The following GRIN2A variants were observed in gnomAD, a reference collection of about 807,000 sequenced individuals.
GRIN2A encodes glutamate ionotropic receptor NMDA type subunit 2A, also known as glutamate receptor ionotropic, NMDA 2A.
A neutral mutation model predicts 113.4 loss-of-function variants in GRIN2A; 22 were observed. The observed-to-expected ratio is 0.19, with a 90% confidence interval of 0.14 to 0.28. GRIN2A has a LOEUF of 0.28. Among genes scored for constraint, GRIN2A ranks in the 10% least tolerant of loss-of-function variants. The pLI is 1.00. For synonymous variants in GRIN2A, 827 were observed against 738.4 expected (o/e 1.12, Z -1.94); for missense variants, 1,502 against 1,887.0 (o/e 0.80, Z 3.78).
Position 10,042,373 on chromosome 16 carries a change from TTCAA to T in GRIN2A, c.415-103826_415-103823del, listed in dbSNP as rs530018064. Among the ~76,000 whole-genome samples the T allele has an allele frequency of 1.6e-4, 25 of 152,140 alleles. No individual in the cohort carries two copies. The East Asian group carries it at 4.8e-3, about 29-fold the overall frequency. ...AGTTGGCTGCCATGACATGAGGGAC[TTCAA>T]GCAGCCCCACGGAGAGGTTCTCAAA... On this transcript the variant is annotated intron_variant, in intron 2 of 12. Transcript: ENST00000330684.
chr16:9,962,768 T>C (rs2045468635), intron 2 of GRIN2A, among the ~76,000 whole-genome samples: 2 of 152,258 alleles, frequency 1.3e-5, no homozygotes, highest in Admixed American at 6.5e-5. Context: ...ATCCCATTAC[T>C]GAGTATATAC....
chr16:10,010,927 G>A (rs757583335), intron 2 of GRIN2A, among the ~76,000 whole-genome samples: 8 of 152,196 alleles, frequency 5.3e-5, no homozygotes, highest in Non-Finnish European at 1.0e-4. Context: ...TTCACCTGAA[G>A]TTGTGGAACA....
intron 3 of GRIN2A, among the ~76,000 whole-genome samples, chr16:9,920,197 G>A (rs1484151517): frequency 6.6e-6 from 1 of 152,172 alleles, no homozygotes; most frequent in East Asian, 1.9e-4. Context: ...TGACTGTTGA[G>A]GGTAAATGGA....
intron 2 of GRIN2A, among the ~76,000 whole-genome samples, chr16:10,113,344 G>C (rs559335119): frequency 6.6e-6 from 1 of 152,296 alleles, no homozygotes; most frequent in East Asian, 1.9e-4. Flanking sequence ...CCTAGGCCAA[G>C]AGGAGGTCTC....
chr16:9,837,281 G>C (rs1311642318), intron 7 of GRIN2A, among the ~76,000 whole-genome samples: 3 of 152,126 alleles, frequency 2.0e-5, no homozygotes, highest in African/African-American at 7.2e-5. Context: ...AAACAGCTTT[G>C]AAAATAGTTT....
At chr16:10,062,022 T>C (rs542949333) in intron 2 of GRIN2A, among the ~76,000 whole-genome samples, 1 of 152,060 alleles carries the variant, frequency 6.6e-6, no homozygotes, top group South Asian at 2.1e-4. Context: ...CTCCATTACA[T>C]AGGGGAGGCA....
intron 2 of GRIN2A, among the ~76,000 whole-genome samples, chr16:9,960,579 T>C (rs2045418663): frequency 1.3e-5 from 2 of 152,208 alleles, no homozygotes; most frequent in Admixed American, 1.3e-4. Context: ...ATTAATTGTA[T>C]CACTTGTTCC....
chr16:10,039,061 G>C (rs994774131), intron 2 of GRIN2A, among the ~76,000 whole-genome samples: 1 of 151,946 alleles, frequency 6.6e-6, no homozygotes, highest in Non-Finnish European at 1.5e-5. Context: ...ACTGAAACCA[G>C]GTCTGCTTCT....
intron 3 of GRIN2A, among the ~76,000 whole-genome samples, chr16:9,929,331 C>A (rs2044536930): frequency 2.0e-5 from 3 of 152,202 alleles, no homozygotes; most frequent in South Asian, 2.1e-4. Context: ...TTGGATGTCC[C>A]TGACTCTCTG....
chr16:10,119,006 C>T (rs940468785), intron 2 of GRIN2A, among the ~76,000 whole-genome samples: 4 of 152,148 alleles, frequency 2.6e-5, no homozygotes, highest in African/African-American at 9.7e-5. Context: ...GGAAGAGCCA[C>T]AATATGGCAG....
At chr16:10,126,506 G>C (rs1192851763) in intron 2 of GRIN2A, among the ~76,000 whole-genome samples, 4 of 151,906 alleles carry the variant, frequency 2.6e-5, no homozygotes, top group Admixed American at 6.6e-5. Context: ...GTATTGGCAG[G>C]GTTTACTATT....
At position 10,055,047 on chromosome 16, in the gene GRIN2A, C is replaced by CAAAAAAAA. The variant is rs71133304; in HGVS notation, c.415-116504_415-116497dup. On this transcript the variant is annotated intron_variant, in intron 2 of 12. Transcript: ENST00000330684. ...CAGGCAACAGAGCGAGACTCTATCT[C>CAAAAAAAA]AAAAAAAAAAAAAAAAAAAAAAAAA... 2.1e-3 allele frequency among the ~76,000 whole-genome samples: 22 copies of CAAAAAAAA among 10,370 alleles called. 1 individual carries two copies. The highest frequency in any genetic ancestry group is 2.6e-3 in the Non-Finnish European group (17 of 6,582). The allele number at this position is 10,370 out of a possible 152,430, so 6.8% of individuals were successfully genotyped here. A position where few individuals can be genotyped will look rare whatever the true frequency, so the allele number is the denominator to read the frequency against.
At chr16:9,851,730 C>G (rs2042886160) in intron 4 of GRIN2A, among the ~76,000 whole-genome samples, 1 of 152,146 alleles carries the variant, frequency 6.6e-6, no homozygotes, top group South Asian at 2.1e-4. Context: ...CATCCACTAG[C>G]TGAGTAGCCT....
intron 2 of GRIN2A, among the ~76,000 whole-genome samples, chr16:10,026,887 A>G (rs1472425193): frequency 2.0e-5 from 3 of 152,098 alleles, no homozygotes; most frequent in African/African-American, 4.8e-5. Flanking sequence ...CTCTTTCTCA[A>G]TCACAGAAAC....
At chr16:10,049,134 G>A (rs569229982) in intron 2 of GRIN2A, among the ~76,000 whole-genome samples, 27 of 152,206 alleles carry the variant, frequency 1.8e-4, no homozygotes, top group East Asian at 1.7e-3. Context: ...TCAGAGTTCC[G>A]CTTGGCAAAA....
intron 11 of GRIN2A, among the ~76,000 whole-genome samples, chr16:9,769,842 T>G (rs1901155033): frequency 6.6e-6 from 1 of 152,228 alleles, no homozygotes; most frequent in East Asian, 1.9e-4. Context: ...ATATGTGTGT[T>G]TCTTTTTCTC....
At chr16:10,177,844 C>T (rs1478881745) in intron 2 of GRIN2A, among the ~76,000 whole-genome samples, 9 of 152,134 alleles carry the variant, frequency 5.9e-5, no homozygotes, top group African/African-American at 1.4e-4. Flanking sequence ...CAAGGGGGTT[C>T]CCTTCCATGA....
chr16:10,067,480 G>A (rs1177850716), intron 2 of GRIN2A, among the ~76,000 whole-genome samples: 2 of 152,170 alleles, frequency 1.3e-5, no homozygotes, highest in Non-Finnish European at 2.9e-5. Context: ...CCAATGACAC[G>A]AACATCAGGA....
chr16:9,983,363 T>C lies in GRIN2A; in HGVS notation c.415-44812A>G, dbSNP rs1392858752. Among the ~76,000 whole-genome samples the C allele has an allele frequency of 1.2e-4, 19 of 152,268 alleles. No individual in the cohort carries two copies. In the East Asian group the frequency reaches 1.5e-3, roughly 12 times the overall value. On this transcript the variant is annotated intron_variant, in intron 2 of 12. Coordinates refer to ENST00000330684, the MANE Select transcript of GRIN2A (RefSeq NM_001134407.3). ...AAAACACGTGATATTTGGTTTTTTGTGCCTGGCTTATTTCATTTAACATAG... is the reference window on the plus strand; with the variant it reads ...AAAACACGTGATATTTGGTTTTTTGCGCCTGGCTTATTTCATTTAACATAG...
Sources: gnomAD v4.1 joint callset for allele counts (sites outside exome capture counted in the v4.1 genomes callset) on GRCh38, gnomAD v4.1.1 for gene constraint, MANE v1.5 for transcripts, NCBI Gene and HGNC (gene_info 2026-07-23, HGNC 2026-07-21) for gene names.